CCNK: variants seen among roughly 807,000 people sequenced by gnomAD.
CCNK encodes cyclin-K.
Under a neutral mutation model 65.0 loss-of-function variants are expected in CCNK, and 9 were observed. That is an observed-to-expected ratio of 0.14 (90% CI 0.08 to 0.24). CCNK has a LOEUF of 0.24. Ranked by LOEUF, CCNK falls within the 10% of genes least tolerant of loss-of-function variation. The pLI is 1.00. For missense variants in CCNK, 474 were observed against 720.0 expected (o/e 0.66, Z 3.91); for synonymous variants, 279 against 270.8 (o/e 1.03, Z -0.30).
In CCNK at chr14:99,492,674, A is replaced by G. The variant is rs1353629568; in HGVS notation, c.-4A>G. 4.4e-6 allele frequency: 7 copies of G among 1,598,112 alleles called. No individual in the cohort carries two copies. The highest frequency in any genetic ancestry group is 3.3e-4 in the Middle Eastern group (2 of 6,038). ...TTTTGGAAAGAACAAGCCTACTTCA[A>G]TAAATGAAGGAGAATAAAGAAAATT... On this transcript the variant is annotated 5_prime_UTR_variant, in exon 2 of 11. Coordinates refer to ENST00000389879, the MANE Select transcript of CCNK (RefSeq NM_001099402.2).
At chr14:99,490,694 G>A (rs904537108) in intron 1 of CCNK, among the ~76,000 whole-genome samples, 1 of 152,040 alleles carries the variant, frequency 6.6e-6, no homozygotes, top group Non-Finnish European at 1.5e-5. Flanking sequence ...TTGGGAGGCC[G>A]AGGCAGGCGG....
intron 3 of CCNK, 89 bp downstream of exon 3, chr14:99,493,684 A>C: frequency 2.1e-4 from 182 of 878,352 alleles, no homozygotes; most frequent in Non-Finnish European, 3.0e-4. Flanking sequence ...TATTTTTCTC[A>C]TATTTTCCAG....
Position 99,511,434 on chromosome 14 carries a change from TAAC to T in CCNK, c.*657_*659del, listed in dbSNP as rs1352496229. ...GAGATATATTTTTTAAGTGTGAATG[TAAC>T]AACATACTGTGAATTCCATCTTGGT... On this transcript the variant is annotated 3_prime_UTR_variant, in exon 11 of 11. Transcript: ENST00000389879. 1 of 152,524 alleles carries T rather than the reference TAAC, an allele frequency of 6.6e-6. No homozygotes were observed. Among genetic ancestry groups the T allele is most frequent in the Non-Finnish European group, 1.5e-5 (1 of 68,030 alleles). The allele number at this position is 152,524 out of a possible 1,614,324, so 9.4% of individuals were successfully genotyped here.
intron 3 of CCNK, 69 bp downstream of exon 3, chr14:99,493,664 T>A: frequency 9.9e-7 from 1 of 1,014,180 alleles, no homozygotes; most frequent in Non-Finnish European, 1.5e-6. Context: ...GGTGGACTAA[T>A]TATAAGCTCT....
intron 1 of CCNK, among the ~76,000 whole-genome samples, chr14:99,483,530 A>G (rs1184312347): frequency 6.6e-6 from 1 of 152,258 alleles, no homozygotes; most frequent in Non-Finnish European, 1.5e-5. Flanking sequence ...AGCCTGGGCG[A>G]CAAAGCAAGA....
intron 4 of CCNK, among the ~76,000 whole-genome samples, chr14:99,496,507 G>C (rs550985528): frequency 6.6e-6 from 1 of 151,600 alleles, no homozygotes; most frequent in African/African-American, 2.4e-5. Flanking sequence ...TCAGGAGATC[G>C]AGACCATCCT....
intron 1 of CCNK, among the ~76,000 whole-genome samples, chr14:99,488,773 TTATTCTCTATATGTATTAA>T (rs1896542998): frequency 6.6e-6 from 1 of 152,202 alleles, no homozygotes; most frequent in South Asian, 2.1e-4. Flanking sequence ...TAGCAAAGTA[TTATTCTCTATATGTATTAA>T]TATTATGGAC....
intron 3 of CCNK, 111 bp from the exon 4 acceptor site, chr14:99,495,387 G>T (rs1896679841): frequency 2.3e-6 from 2 of 883,134 alleles, no homozygotes; most frequent in East Asian, 5.8e-5. Context: ...ATGATAAAAA[G>T]AAAGGTAGGG....
At chr14:99,494,407 GT>G (rs1896657275) in intron 3 of CCNK, 1 of 152,206 alleles carries the variant, frequency 6.6e-6, no homozygotes, top group Non-Finnish European at 1.5e-5. Context: ...TAATTAAAAG[GT>G]TTCGTGAAAA....
intron 10 of CCNK, 50 bp from the exon 11 acceptor site, chr14:99,510,107 A>G (rs748456006): frequency 6.5e-7 from 1 of 1,542,354 alleles, no homozygotes; most frequent in Non-Finnish European, 8.7e-7. Flanking sequence ...GCACTGAAAA[A>G]GCAACCATTG....
chr14:99,491,915 T>C (rs1018128755), intron 1 of CCNK: 2 of 152,048 alleles, frequency 1.3e-5, no homozygotes, highest in Non-Finnish European at 2.9e-5. Context: ...CCTTCGTTGT[T>C]GTTGTTTTTT....
At chr14:99,491,508 T>C (rs1896597333) in intron 1 of CCNK, among the ~76,000 whole-genome samples, 3 of 152,194 alleles carry the variant, frequency 2.0e-5, no homozygotes, top group Admixed American at 6.5e-5. Flanking sequence ...TTAACTGGTC[T>C]CCCCCGCCCT....
chr14:99,510,511 C>A lies in CCNK; in HGVS notation c.1472C>A (p.Pro491Gln). 3 of 777,872 alleles carry A rather than the reference C, an allele frequency of 3.9e-6. No homozygotes were observed. Among genetic ancestry groups the A allele is most frequent in the Non-Finnish European group, 5.7e-6 (3 of 529,796 alleles). The allele number at this position is 777,872 out of a possible 1,614,324, so 48.2% of individuals were successfully genotyped here. ...CCCCCGCCACCTGTGCCTCCTCCCCCAGCCTCCTTCCCCCCACCTGCCATC... is the reference window on the plus strand; with the variant it reads ...CCCCCGCCACCTGTGCCTCCTCCCCAAGCCTCCTTCCCCCCACCTGCCATC... ...NPPPPPVPPP[P>Q]ASFPPPAIPP... is the part of the protein sequence containing the mutation. The change falls in exon 11 of 11, where the codon CCA (proline) becomes CAA (glutamine). Residue 491 changes from proline (P) to glutamine (Q), a missense_variant. Transcript: ENST00000389879.
intron 4 of CCNK, 165 bp from the exon 5 acceptor site, chr14:99,500,601 T>C (rs576302700): frequency 4.7e-5 from 28 of 590,566 alleles, no homozygotes; most frequent in South Asian, 4.4e-4. Flanking sequence ...AATTTATCAG[T>C]GTCTCTGAGC....
Position 99,502,707 on chromosome 14 carries a change from G to C in CCNK, c.746-12G>C. On this transcript the variant is annotated splice_polypyrimidine_tract_variant and intron_variant, in intron 7 of 10. Coordinates refer to ENST00000389879, the MANE Select transcript of CCNK (RefSeq NM_001099402.2). ...CAATTTGTGTAAAATGTAATTGTTGGCTATCATTTAGACATCTGCCACCAA... is the reference window on the plus strand; with the variant it reads ...CAATTTGTGTAAAATGTAATTGTTGCCTATCATTTAGACATCTGCCACCAA... 1 of 1,609,148 alleles carries C rather than the reference G, an allele frequency of 6.2e-7. No homozygotes were observed. Among genetic ancestry groups the C allele is most frequent in the Non-Finnish European group, 8.5e-7 (1 of 1,175,866 alleles).
At chr14:99,508,766 C>T (rs1897039714) in intron 10 of CCNK, 1 of 152,478 alleles carries the variant, frequency 6.6e-6, no homozygotes, top group Non-Finnish European at 1.5e-5. Flanking sequence ...GGCAGGCACA[C>T]TGGTGACTTG....
chr14:99,484,230 G>T (rs1055722221), intron 1 of CCNK, among the ~76,000 whole-genome samples: 1 of 152,224 alleles, frequency 6.6e-6, no homozygotes, highest in Non-Finnish European at 1.5e-5. Flanking sequence ...CTGTGAATTA[G>T]TCAGGTTGTT....
chr14:99,489,655 T>G (rs1304930622), intron 1 of CCNK, among the ~76,000 whole-genome samples: 1 of 152,280 alleles, frequency 6.6e-6, no homozygotes, highest in African/African-American at 2.4e-5. Context: ...AGTTTCTGTG[T>G]GATTTTGTTG....
intron 10 of CCNK, chr14:99,509,865 A>G (rs941903475): frequency 2.5e-5 from 12 of 474,738 alleles, no homozygotes; most frequent in African/African-American, 6.0e-5. Flanking sequence ...GGCTGGGGCC[A>G]GGGCACAAGG....
Sources: allele counts gnomAD v4.1 joint callset (sites outside exome capture counted in the v4.1 genomes callset), GRCh38; gene constraint gnomAD v4.1.1; transcripts MANE v1.5; gene names NCBI Gene and HGNC (gene_info 2026-07-23, HGNC 2026-07-21).